MUSK: variants seen among roughly 807,000 people sequenced by gnomAD.
MUSK encodes the protein muscle associated receptor tyrosine kinase, also known as muscle, skeletal receptor tyrosine-protein kinase.
MUSK carries 55 observed loss-of-function variants against 88.7 expected under a neutral mutation model. The ratio of observed to expected loss-of-function variants is 0.62; its 90% CI spans 0.50 to 0.78. The LOEUF (loss-of-function observed/expected upper bound fraction) is 0.78, where lower values mean the gene tolerates loss of function less well. MUSK is among the 30% of genes least tolerant of loss of function. The pLI is 0.00. For missense variants in MUSK, 1,015 were observed against 1,074.3 expected, an observed-to-expected ratio of 0.94 and a Z score of 0.77; for synonymous variants, 387 against 391.9, an observed-to-expected ratio of 0.99 and a Z score of 0.15.
intron 7 of MUSK, among the ~76,000 whole-genome samples, chr9:110,759,163 T>A (rs1411800826): frequency 6.6e-6 from 1 of 152,052 alleles, no homozygotes; most frequent in Non-Finnish European, 1.5e-5. Flanking sequence ...AATAGAGAGC[T>A]CAGAAATAAA....
At chr9:110,736,623 C>T (rs1209483983) in intron 6 of MUSK, among the ~76,000 whole-genome samples, 1 of 152,024 alleles carries the variant, frequency 6.6e-6, no homozygotes, top group Admixed American at 6.6e-5. Context: ...TGAGGTGCCA[C>T]TGTAGGTCTG....
intron 13 of MUSK, among the ~76,000 whole-genome samples, chr9:110,786,709 C>G (rs979323012): frequency 1.1e-4 from 16 of 152,076 alleles, no homozygotes; most frequent in African/African-American, 3.4e-4. Flanking sequence ...AAAATGAGCT[C>G]AAGAAAGGAG....
intron 14 of MUSK, among the ~76,000 whole-genome samples, chr9:110,790,889 G>A (rs1444639269): frequency 6.6e-6 from 1 of 152,172 alleles, no homozygotes; most frequent in Non-Finnish European, 1.5e-5. Context: ...GCTGGGCATA[G>A]ACTCGTTAAG....
At position 110,804,732 on chromosome 9, in the gene MUSK, A is replaced by T. The variant is rs956570188; in HGVS notation, c.*3744A>T. Reference sequence around the variant, plus strand: ...TAATATATTATGTTTGAAAAGAAAAATAATATGCAATAATATACAATAATA... The same window carrying T: ...TAATATATTATGTTTGAAAAGAAAATTAATATGCAATAATATACAATAATA... On this transcript the variant is annotated 3_prime_UTR_variant, in exon 15 of 15. Transcript: ENST00000374448. Among the ~76,000 whole-genome samples, 1 of 151,866 alleles carries T rather than the reference A, an allele frequency of 6.6e-6. No homozygotes were observed. Among genetic ancestry groups the T allele is most frequent in the Non-Finnish European group, 1.5e-5 (1 of 67,828 alleles).
chr9:110,734,285 C>T lies in MUSK; in HGVS notation c.663C>T (p.His221=). The change falls in exon 6 of 15, where the codon CAC becomes CAT. Residue 221 remains histidine, a synonymous_variant. Coordinates refer to ENST00000374448, the MANE Select transcript of MUSK (RefSeq NM_005592.4). ...FARILRAPES[H]NVTFGSFVTL... is the part of the protein sequence containing the mutation. ...GGATCCTGCGGGCTCCTGAATCCCA[C>T]AATGTCACCTTTGGCTCCTTTGTGA... 1 of 1,613,132 alleles carries T rather than the reference C, an allele frequency of 6.2e-7. No homozygotes were observed. The highest frequency in any genetic ancestry group is 8.5e-7 in the Non-Finnish European group (1 of 1,179,416).
At chr9:110,775,457 T>A (rs546101114) in intron 9 of MUSK, 6 of 322,220 alleles carry the variant, frequency 1.9e-5, no homozygotes, top group Non-Finnish European at 3.0e-5. Context: ...ACCTTTTTCC[T>A]CTACCTGTGT....
chr9:110,681,067 A>ATTATAT (rs1252500710), intron 1 of MUSK, among the ~76,000 whole-genome samples: 1 of 13,078 alleles, frequency 7.6e-5, no homozygotes, highest in Non-Finnish European at 1.4e-4. Context: ...TTATATATAT[A>ATTATAT]ATATTATATA....
intron 8 of MUSK, among the ~76,000 whole-genome samples, chr9:110,762,642 T>C (rs996729230): frequency 6.6e-6 from 1 of 152,134 alleles, no homozygotes; most frequent in African/African-American, 2.4e-5. Flanking sequence ...CAGTAAATGA[T>C]AAAGTTAGAA....
At chr9:110,686,792 T>G (rs2131668387) in intron 2 of MUSK, among the ~76,000 whole-genome samples, 1 of 152,282 alleles carries the variant, frequency 6.6e-6, no homozygotes, top group Middle Eastern at 3.4e-3. Flanking sequence ...TTCCCAGAAC[T>G]TATTGGGAGA....
At chr9:110,781,561 C>T (rs951785279) in intron 11 of MUSK, among the ~76,000 whole-genome samples, 1 of 152,076 alleles carries the variant, frequency 6.6e-6, no homozygotes, top group Non-Finnish European at 1.5e-5. Flanking sequence ...CAGGCGTGAG[C>T]TACTGCTCCC....
At chr9:110,754,826 G>C (rs1196268867) in intron 7 of MUSK, among the ~76,000 whole-genome samples, 1 of 152,200 alleles carries the variant, frequency 6.6e-6, no homozygotes, top group African/African-American at 2.4e-5. Flanking sequence ...CTTCTTTCCT[G>C]AGTTCAGCAG....
intron 8 of MUSK, 112 bp from the exon 9 acceptor site, chr9:110,767,708 A>T (rs77508668): frequency 8.2e-7 from 1 of 1,214,320 alleles, no homozygotes; most frequent in Admixed American, 1.8e-5. Context: ...TTACTAGTAC[A>T]ATTTTCTCCT....
rs376230917 is a variant in MUSK at position 110,673,550 on chromosome 9, G to T, written c.79+4567G>T. On this transcript the variant is annotated intron_variant, in intron 1 of 14. Transcript: ENST00000374448. The stretch of plus-strand genomic sequence containing the variant: ...TTATGTCACTGAATCTTATGGGAAG[G>T]TGTTAACTTAATAAAGTTCTTAGTA... 8.7e-4 allele frequency among the ~76,000 whole-genome samples: 132 copies of T among 152,244 alleles called. 3 individuals are homozygous for T. The South Asian group carries it at 0.021, about 25-fold the overall frequency.
intron 11 of MUSK, 117 bp from the exon 12 acceptor site, chr9:110,784,698 A>G: frequency 1.4e-6 from 1 of 714,412 alleles, no homozygotes; most frequent in South Asian, 2.4e-5. Context: ...ATAACCAGGG[A>G]GAACCTGATA....
intron 14 of MUSK, among the ~76,000 whole-genome samples, chr9:110,789,068 G>A (rs914772522): frequency 1.2e-4 from 18 of 152,162 alleles, no homozygotes; most frequent in African/African-American, 4.3e-4. Flanking sequence ...AAAAACATTG[G>A]CTTTTAATCT....
chr9:110,725,747 C>G (rs1193103542), intron 5 of MUSK, among the ~76,000 whole-genome samples: 1 of 151,888 alleles, frequency 6.6e-6, no homozygotes, highest in Non-Finnish European at 1.5e-5. Flanking sequence ...TAATTCTAGC[C>G]CTAACCTCCC....
At chr9:110,748,637 G>T (rs978804678) in intron 7 of MUSK, among the ~76,000 whole-genome samples, 2 of 151,812 alleles carry the variant, frequency 1.3e-5, no homozygotes, top group African/African-American at 4.8e-5. Context: ...CAGGAGAGAG[G>T]TGCTTGGCCT....
chr9:110,676,018 G>T (rs996351467), intron 1 of MUSK, among the ~76,000 whole-genome samples: 1 of 151,648 alleles, frequency 6.6e-6, no homozygotes, highest in African/African-American at 2.4e-5. Flanking sequence ...TCATTCATTC[G>T]TTGTTTAGAA....
intron 3 of MUSK, among the ~76,000 whole-genome samples, chr9:110,692,241 C>G (rs2076366914): frequency 6.6e-6 from 1 of 152,066 alleles, no homozygotes. Context: ...CTCACTGCAG[C>G]CTTGACTGCT....
Sources: gnomAD v4.1 joint callset for allele counts (sites outside exome capture counted in the v4.1 genomes callset) on GRCh38, gnomAD v4.1.1 for gene constraint, MANE v1.5 for transcripts, NCBI Gene and HGNC (gene_info 2026-07-23, HGNC 2026-07-21) for gene names.